Variants in ST14 observed in about 807,000 individuals in gnomAD.
The protein encoded by ST14 is ST14 transmembrane serine protease matriptase.
In ST14, 40 loss-of-function variants were observed where a neutral mutation model predicts 96.5. The observed-to-expected ratio is 0.41, with a 90% CI of 0.32 to 0.54. The LOEUF is 0.54. ST14 is among the 20% of genes least tolerant of loss of function. ST14 has a pLI of 0.17. For synonymous variants in ST14, 506 were observed against 492.1 expected (o/e 1.03, Z -0.37); for missense variants, 1,066 against 1,188.9 (o/e 0.90, Z 1.52).
At chr11:130,177,497 A>G (rs1953151344) in intron 1 of ST14, among the ~76,000 whole-genome samples, 1 of 152,026 alleles carries the variant, frequency 6.6e-6, no homozygotes, top group Admixed American at 6.5e-5. Context: ...TGGGAGGTGG[A>G]GGTTGTGGTG....
At chr11:130,162,707 C>T (rs1207132659) in intron 1 of ST14, among the ~76,000 whole-genome samples, 1 of 152,170 alleles carries the variant, frequency 6.6e-6, no homozygotes, top group Non-Finnish European at 1.5e-5. Context: ...GACTCACAGC[C>T]CCTGTCCTTG....
chr11:130,201,575 G>A (rs548871790), intron 16 of ST14, among the ~76,000 whole-genome samples: 3 of 152,362 alleles, frequency 2.0e-5, no homozygotes, highest in East Asian at 3.9e-4. Flanking sequence ...TGCTTGACAC[G>A]TGGCTTTGTC....
At position 130,188,705 on chromosome 11, in the gene ST14, CCCA is replaced by C. The variant is rs746283943; in HGVS notation, c.369+51_369+53del. On this transcript the variant is annotated intron_variant, in intron 3 of 18. Coordinates refer to ENST00000278742, the MANE Select transcript of ST14 (RefSeq NM_021978.4). The surrounding 1 kb of genome is among the most constrained non-coding windows in gnomAD (Gnocchi z 5.4). ...CCTGCTGGGCTGTGTGCGCTGGTGT[CCCA>C]CCTGCTGGGCAGGAGGGACATGCCT... The C allele has an allele frequency of 6.2e-7, 1 of 1,613,760 alleles. No homozygotes were observed. Among genetic ancestry groups the C allele is most frequent in the Non-Finnish European group, 8.5e-7 (1 of 1,179,902 alleles).
At chr11:130,178,834 G>A (rs1228764338) in intron 1 of ST14, among the ~76,000 whole-genome samples, 3 of 152,218 alleles carry the variant, frequency 2.0e-5, no homozygotes, top group Non-Finnish European at 2.9e-5. Flanking sequence ...TGGGCGGGCC[G>A]GGGTTTTGGG....
At chr11:130,204,710 C>A (rs188143295) in intron 16 of ST14, among the ~76,000 whole-genome samples, 1 of 152,052 alleles carries the variant, frequency 6.6e-6, no homozygotes, top group East Asian at 1.9e-4. Flanking sequence ...TACTTGGGGG[C>A]GGCTGAGGTG....
At chr11:130,198,716 GA>G in intron 14 of ST14, 95 bp downstream of exon 14, 1 of 1,359,722 alleles carries the variant, frequency 7.4e-7, no homozygotes, top group Non-Finnish European at 1.0e-6. Context: ...CGAGTTTAAT[GA>G]ACACAAACCA....
Position 130,199,050 on chromosome 11 carries a change from C to T in ST14, c.1788C>T (p.Gly596=). Residue 596 remains glycine, a synonymous_variant, in exon 15 of 19, where the codon GGC becomes GGT. Coordinates refer to ENST00000278742, the MANE Select transcript of ST14 (RefSeq NM_021978.4). ...ACGGGAAGGAGGACTGTAGCGACGG[C>T]TCAGATGAGAAGGACTGCGGTGAGC... ...ECDGKEDCSD[G]SDEKDCDCGL... is the part of the protein sequence containing the mutation. 1.2e-6 allele frequency: 2 copies of T among 1,613,834 alleles called. No homozygotes were observed. Among genetic ancestry groups the T allele is most frequent in the East Asian group, 2.2e-5 (1 of 44,856 alleles).
intron 1 of ST14, among the ~76,000 whole-genome samples, chr11:130,178,736 T>C (rs535186197): frequency 1.3e-5 from 2 of 152,204 alleles, no homozygotes; most frequent in Non-Finnish European, 2.9e-5. Flanking sequence ...TATTTCTGGA[T>C]CTTCCTTGGG....
intron 1 of ST14, among the ~76,000 whole-genome samples, chr11:130,176,247 T>C (rs11608244): frequency 0.033 from 5,012 of 152,216 alleles, 124 homozygotes; most frequent in Non-Finnish European, 0.048. Context: ...TTCTAGTTAT[T>C]ATAGGTCTTG....
chr11:130,178,787 G>A (rs527431241), intron 1 of ST14, among the ~76,000 whole-genome samples: 2 of 152,272 alleles, frequency 1.3e-5, no homozygotes, highest in Non-Finnish European at 2.9e-5. Context: ...TCCTTCTGGC[G>A]GGGCGGCTGA....
At position 130,189,712 on chromosome 11, in the gene ST14, C is replaced by T. The variant is rs139631723; in HGVS notation, c.441-27C>T. On this transcript the variant is annotated intron_variant, in intron 4 of 18. Transcript: ENST00000278742. ...GTGGGGGAAATGGGGCCCAGAGCTC[C>T]GCCTCAGGCTCCCGCTCTCTCCCCA... The T allele has an allele frequency of 4.2e-5, 68 of 1,606,900 alleles. No homozygotes were observed. In the East Asian group the frequency reaches 1.4e-3, roughly 32 times the overall value.
rs1029243190 is a variant in ST14 at position 130,181,327 on chromosome 11, C to T, written c.82-6787C>T. Among the ~76,000 whole-genome samples, 3 of 152,180 alleles carry T rather than the reference C, an allele frequency of 2.0e-5. No homozygotes were observed. Among genetic ancestry groups the T allele is most frequent in the Admixed American group, 2.0e-4 (3 of 15,276 alleles). ...CCCGCCTGGAAGTCATTCCTCGTTC[C>T]CTTGTCTGAGTGGCCTGGAGCCGAG... On this transcript the variant is annotated intron_variant, in intron 1 of 18. Coordinates refer to ENST00000278742, the MANE Select transcript of ST14 (RefSeq NM_021978.4). This position sits in a 1 kb window ranked among gnomAD's most constrained non-coding sequence, Gnocchi z 4.1.
At chr11:130,190,075 G>T in intron 5 of ST14, 38 bp from the exon 6 acceptor site, 1 of 1,614,036 alleles carries the variant, frequency 6.2e-7, no homozygotes, top group Non-Finnish European at 8.5e-7. Flanking sequence ...GAAATGGATT[G>T]TATCAGGAAA....
chr11:130,169,985 G>A (rs1305498181), intron 1 of ST14, among the ~76,000 whole-genome samples: 1 of 152,212 alleles, frequency 6.6e-6, no homozygotes, highest in Non-Finnish European at 1.5e-5. Flanking sequence ...AGCTGGGCCG[G>A]GAAGTAGGTC....
At chr11:130,197,726 A>C (rs1953382081) in intron 11 of ST14, 115 bp from the exon 12 acceptor site, 1 of 874,794 alleles carries the variant, frequency 1.1e-6, no homozygotes, top group African/African-American at 1.7e-5. Context: ...GGGCCACAGC[A>C]CCTGCCCTGC....
Position 130,190,334 on chromosome 11 carries a change from C to T in ST14, c.635-120C>T, listed in dbSNP as rs971115346. On this transcript the variant is annotated intron_variant, in intron 6 of 18. Transcript: ENST00000278742. ...CTTCCTGATTTCCCGAGGCCCAGGGCAGCCTGGGGCGTCTCGAAGGGGCGA... is the reference window on the plus strand; with the variant it reads ...CTTCCTGATTTCCCGAGGCCCAGGGTAGCCTGGGGCGTCTCGAAGGGGCGA... The T allele has an allele frequency of 3.3e-6, 5 of 1,536,836 alleles. No homozygotes were observed. The Admixed American group carries it at 8.7e-5, about 27-fold the overall frequency.
intron 11 of ST14, 55 bp downstream of exon 11, chr11:130,196,755 T>C (rs897863219): frequency 2.5e-6 from 4 of 1,613,064 alleles, no homozygotes; most frequent in Non-Finnish European, 3.4e-6. Flanking sequence ...GCATGTTCTG[T>C]CTACCCTGCA....
intron 11 of ST14, among the ~76,000 whole-genome samples, chr11:130,197,558 C>G (rs575098505): frequency 9.1e-4 from 139 of 152,366 alleles, no homozygotes; most frequent in Non-Finnish European, 1.3e-3. Context: ...GCTGGCCTCT[C>G]TGCAGGGCAC....
Position 130,188,346 on chromosome 11 carries a change from C to A in ST14, c.241+73C>A. 2 of 1,583,512 alleles carry A rather than the reference C, an allele frequency of 1.3e-6. 1 individual carries two copies. The highest frequency in any genetic ancestry group is 3.5e-4 in the Middle Eastern group (2 of 5,684). ...GTCCCTCTTCCCTCAGCGGACAGACCCAGGGCCACCTACTGAGTACACGAG... is the reference window on the plus strand; with the variant it reads ...GTCCCTCTTCCCTCAGCGGACAGACACAGGGCCACCTACTGAGTACACGAG... On this transcript the variant is annotated intron_variant, in intron 2 of 18. Transcript: ENST00000278742. This position sits in a 1 kb window ranked among gnomAD's most constrained non-coding sequence, Gnocchi z 5.4.
Sources: gnomAD v4.1 joint callset for allele counts (sites outside exome capture counted in the v4.1 genomes callset) on GRCh38, gnomAD v4.1.1 for gene constraint, Gnocchi (gnomAD v3.1) non-coding constraint, MANE v1.5 for transcripts, NCBI Gene and HGNC (gene_info 2026-07-23, HGNC 2026-07-21) for gene names.